Variants in KLF3 observed in about 807,000 individuals in gnomAD.
KLF3 encodes Krueppel-like factor 3.
In KLF3, 6 loss-of-function variants were observed where a neutral mutation model predicts 32.7. That is an observed-to-expected ratio of 0.18 (90% CI 0.10 to 0.36). The LOEUF (loss-of-function observed/expected upper bound fraction) is 0.36, where lower values mean the gene tolerates loss of function less well. Among genes scored for constraint, KLF3 ranks in the 10% least tolerant of loss-of-function variants. The probability of loss-of-function intolerance (pLI) is 1.00; values close to 1 mark genes in which losing one functional copy is unlikely to be tolerated. For synonymous variants in KLF3, 145 were observed against 172.8 expected (o/e 0.84, Z 1.26); for missense variants, 338 against 449.7 (o/e 0.75, Z 2.25).
At chr4:38,669,255 C>T (rs186810300) in intron 1 of KLF3, among the ~76,000 whole-genome samples, 81 of 152,200 alleles carry the variant, frequency 5.3e-4, no homozygotes, top group Non-Finnish European at 4.6e-4. Flanking sequence ...AATCTTAAAA[C>T]AATTGATATC....
intron 3 of KLF3, 89 bp downstream of exon 3, chr4:38,689,160 G>A (rs930520467): frequency 2.0e-6 from 3 of 1,507,710 alleles, no homozygotes; most frequent in African/African-American, 2.8e-5. Flanking sequence ...ATGGGGGCAA[G>A]AGCTGTTGAA....
chr4:38,701,155 G>A lies in KLF3; in HGVS notation c.*3892G>A, dbSNP rs993267946. 6.6e-6 allele frequency: 1 copy of A among 152,250 alleles called. No individual in the cohort carries two copies. The highest frequency in any genetic ancestry group is 1.9e-4 in the East Asian group (1 of 5,192). The allele number at this position is 152,250 out of a possible 1,614,324, so 9.4% of individuals were successfully genotyped here. On this transcript the variant is annotated 3_prime_UTR_variant, in exon 6 of 6. Coordinates refer to ENST00000261438, the MANE Select transcript of KLF3 (RefSeq NM_016531.6). ...CTCTGATGGGCAGTTATTGTTGATGGAGGGACAGAAAAATAGATCTAACTG... is the reference window on the plus strand; with the variant it reads ...CTCTGATGGGCAGTTATTGTTGATGAAGGGACAGAAAAATAGATCTAACTG...
chr4:38,689,888 A>T lies in KLF3; in HGVS notation c.695+9A>T. On this transcript the variant is annotated intron_variant, in intron 4 of 5. Transcript: ENST00000261438. ...CAAGCATTGTTGCAAGAGTAAGTAT[A>T]TTTAGGTCTACCCAGCATTTGCATA... The T allele has an allele frequency of 7.4e-7, 1 of 1,357,838 alleles. No individual in the cohort carries two copies. The highest frequency in any genetic ancestry group is 9.8e-7 in the Non-Finnish European group (1 of 1,023,324). The allele number at this position is 1,357,838 out of a possible 1,614,324, so 84.1% of individuals were successfully genotyped here.
chr4:38,673,661 G>A (rs1004732588), intron 1 of KLF3, among the ~76,000 whole-genome samples: 1 of 152,176 alleles, frequency 6.6e-6, no homozygotes, highest in Non-Finnish European at 1.5e-5. Flanking sequence ...TTAGAGGGTA[G>A]CATAGGTGTG....
intron 4 of KLF3, chr4:38,690,878 T>C (rs1722857671): frequency 6.6e-6 from 1 of 152,200 alleles, no homozygotes; most frequent in African/African-American, 2.4e-5. Flanking sequence ...CCTAGTTGTA[T>C]CCACATTCAG....
intron 4 of KLF3, chr4:38,690,539 G>A (rs2169542): frequency 0.32 from 48,114 of 152,082 alleles, 8,186 homozygotes; most frequent in African/African-American, 0.44. Flanking sequence ...TCTGCTCTCT[G>A]CCATATGTAT....
At chr4:38,679,793 A>G (rs935323798) in intron 1 of KLF3, among the ~76,000 whole-genome samples, 2 of 152,236 alleles carry the variant, frequency 1.3e-5, no homozygotes, top group African/African-American at 2.4e-5. Flanking sequence ...CATGTACACT[A>G]TGAGCCCAGT....
intron 2 of KLF3, among the ~76,000 whole-genome samples, chr4:38,684,711 G>T (rs983474567): frequency 2.0e-5 from 3 of 151,886 alleles, no homozygotes; most frequent in African/African-American, 7.3e-5. Context: ...GCACCACCAT[G>T]CCCCGCTACA....
chr4:38,686,320 C>T (rs1722695340), intron 2 of KLF3, among the ~76,000 whole-genome samples: 1 of 151,550 alleles, frequency 6.6e-6, no homozygotes, highest in Non-Finnish European at 1.5e-5. Flanking sequence ...GTGTCATGTG[C>T]CTGTAGTTCC....
chr4:38,693,264 G>C (rs940463601), intron 4 of KLF3, among the ~76,000 whole-genome samples: 3 of 149,798 alleles, frequency 2.0e-5, no homozygotes, highest in Non-Finnish European at 3.0e-5. Context: ...ACCCTTCCAG[G>C]TATTAGAGTA....
chr4:38,678,375 C>T (rs1419518167), intron 1 of KLF3, among the ~76,000 whole-genome samples: 2 of 152,160 alleles, frequency 1.3e-5, no homozygotes, highest in African/African-American at 4.8e-5. Context: ...CGTTTTCATC[C>T]CTCATTACGA....
rs778933698 is a variant in KLF3 at position 38,697,165 on chromosome 4, C to G, written c.940C>G (p.His314Asp). The change falls in exon 6 of 6, where the codon CAT becomes GAT. Residue 314 changes from histidine to aspartate, a missense_variant. His to Asp is a moderately conservative substitution (Grantham distance 81). Transcript: ENST00000261438. ...SDELTRHFRKHTGIKPFQCPD... is the reference protein window; with the variant it reads ...SDELTRHFRKDTGIKPFQCPD... ...TGAACTAACAAGACATTTCCGAAAA[C>G]ATACTGGAATCAAACCTTTCCAGTG... The G allele has an allele frequency of 6.2e-7, 1 of 1,614,066 alleles. No homozygotes were observed. The highest frequency in any genetic ancestry group is 1.1e-5 in the South Asian group (1 of 91,078).
chr4:38,691,764 A>G (rs1435657682), intron 4 of KLF3, among the ~76,000 whole-genome samples: 1 of 152,216 alleles, frequency 6.6e-6, no homozygotes, highest in African/African-American at 2.4e-5. Context: ...CACAGCTGGG[A>G]CATGTACTCT....
intron 1 of KLF3, 97 bp downstream of exon 1, chr4:38,664,558 CG>C: frequency 6.7e-6 from 1 of 149,978 alleles, no homozygotes; most frequent in Non-Finnish European, 1.5e-5. Flanking sequence ...GAGGGGGCCG[CG>C]GGGAATGGGT....
At chr4:38,691,304 T>A (rs3796535) in intron 4 of KLF3, among the ~76,000 whole-genome samples, 8,692 of 152,304 alleles carry the variant, frequency 0.057, 340 homozygotes, top group Non-Finnish European at 0.075. Context: ...CCATTGCATC[T>A]GCTCATGCAC....
intron 2 of KLF3, among the ~76,000 whole-genome samples, chr4:38,682,909 G>GT (rs138700957): frequency 0.067 from 10,112 of 150,878 alleles, 382 homozygotes; most frequent in Non-Finnish European, 0.069. Context: ...AAATGAAGGT[G>GT]TTTTTTTTTC....
At chr4:38,694,193 T>C (rs1260093520) in intron 4 of KLF3, among the ~76,000 whole-genome samples, 1 of 152,222 alleles carries the variant, frequency 6.6e-6, no homozygotes, top group African/African-American at 2.4e-5. Flanking sequence ...TCCAATTAAA[T>C]GCCAATTACA....
intron 2 of KLF3, among the ~76,000 whole-genome samples, chr4:38,684,548 T>G (rs1259310494): frequency 2.7e-5 from 4 of 149,748 alleles, no homozygotes; most frequent in Admixed American, 2.7e-4. Flanking sequence ...TGTGTTTTTT[T>G]TTTTTTTTTT....
intron 1 of KLF3, among the ~76,000 whole-genome samples, chr4:38,679,412 G>A (rs1259302376): frequency 6.6e-6 from 1 of 152,204 alleles, no homozygotes; most frequent in Non-Finnish European, 1.5e-5. Context: ...CATGTTGCTG[G>A]TGGAGGTTTG....
Sources: gnomAD v4.1 joint callset for allele counts (sites outside exome capture counted in the v4.1 genomes callset) on GRCh38, gnomAD v4.1.1 for gene constraint, MANE v1.5 for transcripts, NCBI Gene and HGNC (gene_info 2026-07-23, HGNC 2026-07-21) for gene names.